Variants in LIG1 observed in about 807,000 individuals in gnomAD.
LIG1 encodes DNA ligase 1.
In LIG1, 70 loss-of-function variants were observed where a neutral mutation model predicts 115.7. The ratio of observed to expected loss-of-function variants is 0.60; its 90% CI spans 0.50 to 0.74. The LOEUF (loss-of-function observed/expected upper bound fraction) is 0.74, where lower values mean the gene tolerates loss of function less well. Ranked by LOEUF, LIG1 falls within the 30% of genes least tolerant of loss-of-function variation. The probability of loss-of-function intolerance (pLI) is 0.00; values close to 1 mark genes in which losing one functional copy is unlikely to be tolerated. For synonymous variants in LIG1, 487 were observed against 495.3 expected, an observed-to-expected ratio of 0.98 and a Z score of 0.22; for missense variants, 1,115 against 1,225.6, an observed-to-expected ratio of 0.91 and a Z score of 1.35.
At chr19:48,116,116 G>A in intron 26 of LIG1, 151 bp from the exon 27 acceptor site, 2 of 689,190 alleles carry the variant, frequency 2.9e-6, no homozygotes, top group African/African-American at 1.8e-5. Context: ...CAAAGTGCTT[G>A]GAACAGTACC....
rs1372233785 is a variant in LIG1, at chr19:48,137,452, TC to T, written c.1254+69del. On this transcript the variant is annotated intron_variant, in intron 13 of 27. Coordinates refer to ENST00000263274, the MANE Select transcript of LIG1 (RefSeq NM_000234.3). This position sits in a 1 kb window ranked among gnomAD's most constrained non-coding sequence, Gnocchi z 4.3. Reference sequence around the variant, plus strand: ...CAGCTGATGGTCTACCCAGAAGCCTTCCTGACACACGCGTGGCCTCAGGTCC... The same window carrying T: ...CAGCTGATGGTCTACCCAGAAGCCTTCTGACACACGCGTGGCCTCAGGTCC... 6.3e-7 allele frequency: 1 copy of T among 1,583,744 alleles called. No individual in the cohort carries two copies. The highest frequency in any genetic ancestry group is 1.3e-5 in the African/African-American group (1 of 74,588).
In LIG1 at chr19:48,135,796, C is replaced by A; in HGVS notation, c.1424-17G>T. On this transcript the variant is annotated splice_polypyrimidine_tract_variant and intron_variant, in intron 15 of 27. Coordinates refer to ENST00000263274, the MANE Select transcript of LIG1 (RefSeq NM_000234.3). The stretch of plus-strand genomic sequence containing the variant: ...GTGGGAATTCTAAGAAAAGACCCAC[C>A]AGAGGCTTTGGAAGGCACCCACATC... 1 of 1,608,922 alleles carries A rather than the reference C, an allele frequency of 6.2e-7. No individual in the cohort carries two copies. Among genetic ancestry groups the A allele is most frequent in the Non-Finnish European group, 8.5e-7 (1 of 1,175,328 alleles).
At chr19:48,151,446 T>TG in intron 6 of LIG1, 107 bp from the exon 7 acceptor site, 1 of 774,960 alleles carries the variant, frequency 1.3e-6, no homozygotes, top group Non-Finnish European at 2.3e-6. Flanking sequence ...TTCTTTTTTT[T>TG]GAGACAGAGT....
intron 21 of LIG1, among the ~76,000 whole-genome samples, chr19:48,125,420 G>A (rs2033597810): frequency 6.6e-6 from 1 of 152,100 alleles, no homozygotes; most frequent in South Asian, 2.1e-4. Flanking sequence ...CATGAAATTG[G>A]GGGTTTGAGC....
rs1379864391 is a variant in LIG1 at position 48,134,078 on chromosome 19, G to C, written c.1524-12C>G. Reference sequence around the variant, plus strand: ...GGTCGGGAACCTCGCTGGGGTGGCGGGTGAGAACAAGATAGGGGAAGCCTT... The same window carrying C: ...GGTCGGGAACCTCGCTGGGGTGGCGCGTGAGAACAAGATAGGGGAAGCCTT... On this transcript the variant is annotated splice_polypyrimidine_tract_variant and intron_variant, in intron 16 of 27. Coordinates refer to ENST00000263274, the MANE Select transcript of LIG1 (RefSeq NM_000234.3). The C allele has an allele frequency of 4.5e-6, 7 of 1,552,470 alleles. No individual in the cohort carries two copies. The highest frequency in any genetic ancestry group is 2.4e-5 in the East Asian group (1 of 41,086).
intron 12 of LIG1, among the ~76,000 whole-genome samples, chr19:48,138,956 T>C (rs1286800112): frequency 6.6e-6 from 1 of 152,174 alleles, no homozygotes; most frequent in East Asian, 1.9e-4. Flanking sequence ...TCTTTCCTGA[T>C]CCAAGTCAAC....
chr19:48,136,052 G>T lies in LIG1; in HGVS notation c.1405C>A (p.Leu469Ile). 6.4e-7 allele frequency: 1 copy of T among 1,568,032 alleles called. No individual in the cohort carries two copies. Among genetic ancestry groups the T allele is most frequent in the South Asian group, 1.2e-5 (1 of 85,214 alleles). ...AGCTCACCTTGGCCCGGGGGCGTGA[G>T]GCTCACTGCCTGGGAGAGGGCAGCC... Reference protein sequence around the residue: ...VLAALSQAVSLTPPGQEFPPA... With the variant: ...VLAALSQAVSITPPGQEFPPA... The change falls in exon 15 of 28, where the codon CTC becomes ATC. Residue 469 changes from leucine (L) to isoleucine (I), a missense_variant. Physicochemically the swap from Leu to Ile is conservative, Grantham distance 5. Transcript: ENST00000263274.
At chr19:48,135,977 G>T (rs569420754) in intron 15 of LIG1, 57 bp downstream of exon 15, 2 of 1,412,342 alleles carry the variant, frequency 1.4e-6, no homozygotes, top group Non-Finnish European at 1.9e-6. Context: ...TGAAGAGGAG[G>T]GGGGAAGCCT....
Position 48,151,987 on chromosome 19 carries a change from T to C in LIG1, c.467-648A>G, listed in dbSNP as rs192482154. On this transcript the variant is annotated intron_variant, in intron 6 of 27. Transcript: ENST00000263274. The stretch of plus-strand genomic sequence containing the variant: ...AAAAATCTTACCTCTAGGGTCACAA[T>C]ACAAACTACAAAAACCAACTTGGGA... Among the ~76,000 whole-genome samples, 431 of 152,086 alleles carry C rather than the reference T, an allele frequency of 2.8e-3. 3 individuals are homozygous for C. The highest frequency in any genetic ancestry group is 2.0e-3 in the Non-Finnish European group (136 of 67,984).
chr19:48,122,560 G>C lies in LIG1; in HGVS notation c.2232+374C>G, dbSNP rs2033363956. On this transcript the variant is annotated intron_variant, in intron 23 of 27. Transcript: ENST00000263274. The surrounding 1 kb of genome is among the most constrained non-coding windows in gnomAD (Gnocchi z 4.3). ...GGGCACTCCCAGCCCCGCCTTGCTG[G>C]CCCGGAGCTGACTTGCTTTTCTTCA... 6.6e-6 allele frequency among the ~76,000 whole-genome samples: 1 copy of C among 152,172 alleles called. No homozygotes were observed. The highest frequency in any genetic ancestry group is 6.5e-5 in the Admixed American group (1 of 15,268).
At chr19:48,119,301 C>T (rs1056172497) in intron 24 of LIG1, 111 bp from the exon 25 acceptor site, 1 of 852,210 alleles carries the variant, frequency 1.2e-6, no homozygotes, top group Non-Finnish European at 1.9e-6. Context: ...CTGGTCTACG[C>T]AGTATCCACA....
chr19:48,131,024 G>A (rs1568494086), intron 19 of LIG1, 52 bp downstream of exon 19: 4 of 1,464,454 alleles, frequency 2.7e-6, no homozygotes, highest in Non-Finnish European at 3.8e-6. Context: ...TCAGGCCTTT[G>A]CACCCCTGAC....
chr19:48,142,442 C>CGAAAAAAAAAAAAAAAAAA (rs2034824624), intron 11 of LIG1, among the ~76,000 whole-genome samples: 1 of 75,604 alleles, frequency 1.3e-5, no homozygotes, highest in Non-Finnish European at 2.6e-5. Context: ...GACTCCATCT[C>CGAAAAAAAAAAAAAAAAAA]AAAAAAAAAA....
chr19:48,116,484 G>A (rs948521105), intron 26 of LIG1, among the ~76,000 whole-genome samples: 1 of 149,662 alleles, frequency 6.7e-6, no homozygotes, highest in Non-Finnish European at 1.5e-5. Flanking sequence ...TGCTACAGCC[G>A]TTACGATAAT....
intron 4 of LIG1, 161 bp downstream of exon 4, chr19:48,161,209 AAT>A: frequency 5.0e-6 from 5 of 1,001,626 alleles, no homozygotes; most frequent in Non-Finnish European, 7.8e-6. Context: ...GGGCAGGGGC[AAT>A]TAGGACCAGG....
intron 11 of LIG1, 87 bp from the exon 12 acceptor site, chr19:48,140,230 CTAGAAAGAAATG>C (rs1247993808): frequency 5.8e-6 from 5 of 863,338 alleles, no homozygotes; most frequent in South Asian, 3.0e-5. Context: ...GGGGTGGACA[CTAGAAAGAAATG>C]GAGAAAGAAG....
chr19:48,120,923 C>A, intron 24 of LIG1: 1 of 1,339,012 alleles, frequency 7.5e-7, no homozygotes. Flanking sequence ...TGTGAGCCAC[C>A]ACTATTTGTA....
chr19:48,148,931 C>T (rs986091505), intron 9 of LIG1, among the ~76,000 whole-genome samples: 2 of 152,094 alleles, frequency 1.3e-5, no homozygotes, highest in African/African-American at 4.8e-5. Flanking sequence ...CCTCGTGGGC[C>T]GCCCAGGGCT....
At chr19:48,124,220 C>T (rs886567418) in intron 21 of LIG1, among the ~76,000 whole-genome samples, 3 of 152,152 alleles carry the variant, frequency 2.0e-5, no homozygotes, top group Admixed American at 6.5e-5. Flanking sequence ...CCATGGACAG[C>T]TTTTTTCTGT....
Sources: gnomAD v4.1 joint callset for allele counts (sites outside exome capture counted in the v4.1 genomes callset) on GRCh38, gnomAD v4.1.1 for gene constraint, Gnocchi (gnomAD v3.1) non-coding constraint, MANE v1.5 for transcripts, NCBI Gene and HGNC (gene_info 2026-07-23, HGNC 2026-07-21) for gene names.